The following MARCHF5 variants were observed in gnomAD, a reference collection of about 807,000 sequenced individuals.
MARCHF5 encodes the protein E3 ubiquitin-protein ligase MARCHF5.
MARCHF5 carries 5 observed loss-of-function variants against 36.5 expected under a neutral mutation model. The observed-to-expected ratio is 0.14, with a 90% CI of 0.07 to 0.29. MARCHF5 has a LOEUF of 0.29. Among genes scored for constraint, MARCHF5 ranks in the 10% least tolerant of loss-of-function variants. MARCHF5 has a pLI of 1.00. For synonymous variants in MARCHF5, 103 were observed against 109.9 expected, an observed-to-expected ratio of 0.94 and a Z score of 0.39; for missense variants, 179 against 336.3, an observed-to-expected ratio of 0.53 and a Z score of 3.66.
chr10:92,311,676 A>G (rs1843146573), intron 2 of MARCHF5, among the ~76,000 whole-genome samples: 1 of 152,208 alleles, frequency 6.6e-6, no homozygotes, highest in Admixed American at 6.5e-5. Flanking sequence ...TTATCTGGAG[A>G]CGGTGTAAGA....
chr10:92,308,820 T>G (rs2135184438), intron 1 of MARCHF5, among the ~76,000 whole-genome samples: 1 of 151,940 alleles, frequency 6.6e-6, no homozygotes, highest in South Asian at 2.1e-4. Flanking sequence ...TTCTCCTGTC[T>G]CAGCCTCCTG....
chr10:92,336,603 T>A (rs1843504731), intron 2 of MARCHF5, among the ~76,000 whole-genome samples: 1 of 151,996 alleles, frequency 6.6e-6, no homozygotes, highest in South Asian at 2.1e-4. Flanking sequence ...GGGAGTGTGA[T>A]GAAGTAGGGG....
In MARCHF5 at chr10:92,311,299, AG is replaced by A; in HGVS notation, c.201del (p.Gln67HisfsTer7). On this transcript the variant is annotated frameshift_variant, in exon 2 of 6. Coordinates refer to ENST00000358935, the MANE Select transcript of MARCHF5 (RefSeq NM_017824.5). LOFTEE classifies it high-confidence loss of function. ...AGTACAGCCAGAGTGGCATGTCCTC[AG>A]TGCAATGCTGAATACCTAATAGTTT... Reference protein sequence around the residue: ...GNSTARVACPQCNAEYLIVFP... With the variant: ...GNSTARVACPXCNAEYLIVFP... 6.2e-7 allele frequency: 1 copy of A among 1,608,262 alleles called. No individual in the cohort carries two copies. Among genetic ancestry groups the A allele is most frequent in the Non-Finnish European group, 8.5e-7 (1 of 1,176,736 alleles).
intron 5 of MARCHF5, 133 bp from the exon 6 acceptor site, chr10:92,350,958 C>T: frequency 1.6e-6 from 1 of 611,914 alleles, no homozygotes; most frequent in South Asian, 2.1e-5. Context: ...AAAAAGAAAA[C>T]TGTTTCATTT....
At chr10:92,295,592 T>C (rs529917484) in intron 1 of MARCHF5, among the ~76,000 whole-genome samples, 5 of 151,446 alleles carry the variant, frequency 3.3e-5, no homozygotes, top group African/African-American at 1.2e-4. Flanking sequence ...GTATTTTTAG[T>C]AGAGACGGGG....
intron 2 of MARCHF5, among the ~76,000 whole-genome samples, chr10:92,319,629 T>G (rs1435752137): frequency 2.1e-5 from 3 of 145,256 alleles, no homozygotes; most frequent in Non-Finnish European, 4.5e-5. Context: ...TTAAAAAATT[T>G]TGTGTGTTTG....
rs1236818175 is a variant in MARCHF5, at chr10:92,351,676, TG to T, written c.*470del. The T allele has an allele frequency of 6.6e-6, 1 of 152,656 alleles. No homozygotes were observed. Among genetic ancestry groups the T allele is most frequent in the Non-Finnish European group, 1.5e-5 (1 of 68,070 alleles). The allele number at this position is 152,656 out of a possible 1,614,324, so 9.5% of individuals were successfully genotyped here. On this transcript the variant is annotated 3_prime_UTR_variant, in exon 6 of 6. Transcript: ENST00000358935. ...AAGAGGATATGTTAATATGAGGAAA[TG>T]TAAATTAAATTAGTTATAAATAAAT...
At chr10:92,339,044 C>CAA (rs530962202) in intron 2 of MARCHF5, among the ~76,000 whole-genome samples, 21 of 146,866 alleles carry the variant, frequency 1.4e-4, no homozygotes, top group African/African-American at 5.2e-4. Context: ...AACTCTGTCT[C>CAA]AAAAAAAAAA....
rs1002198159 is a variant in MARCHF5 at position 92,353,254 on chromosome 10, T to A, written c.*2047T>A. ...TATTATTAGCTCGAGAAATACCACA[T>A]GCCAGTCTTCCCAGGAAGGTGACCT... On this transcript the variant is annotated 3_prime_UTR_variant, in exon 6 of 6. Transcript: ENST00000358935. 1.3e-5 allele frequency: 2 copies of A among 152,104 alleles called. No individual in the cohort carries two copies. Among genetic ancestry groups the A allele is most frequent in the African/African-American group, 2.4e-5 (1 of 41,412 alleles). The allele number at this position is 152,104 out of a possible 1,614,324, so 9.4% of individuals were successfully genotyped here. A position where few individuals can be genotyped will look rare whatever the true frequency, so the allele number is the denominator to read the frequency against.
chr10:92,341,109 C>T (rs1253070955), intron 3 of MARCHF5, among the ~76,000 whole-genome samples: 6 of 152,100 alleles, frequency 3.9e-5, no homozygotes, highest in African/African-American at 1.4e-4. Flanking sequence ...TTTAGTTAGT[C>T]CAATGTTTTG....
At chr10:92,341,766 C>T (rs1189237376) in intron 3 of MARCHF5, among the ~76,000 whole-genome samples, 1 of 134,996 alleles carries the variant, frequency 7.4e-6, no homozygotes, top group African/African-American at 2.7e-5. Context: ...ATTTTCCCAT[C>T]TATAGTTTAC....
chr10:92,349,963 C>A (rs113260572), intron 5 of MARCHF5, 126 bp downstream of exon 5: 2 of 712,900 alleles, frequency 2.8e-6, no homozygotes, highest in Non-Finnish European at 4.6e-6. Context: ...TCTATTTGAG[C>A]CTCACTATCA....
intron 1 of MARCHF5, among the ~76,000 whole-genome samples, chr10:92,291,819 T>TAA: frequency 6.6e-6 from 1 of 152,154 alleles, no homozygotes; most frequent in Admixed American, 6.5e-5. Context: ...TTAGTTTTCC[T>TAA]TACCCTCTTC....
At chr10:92,346,866 G>A (rs1429826516) in intron 3 of MARCHF5, among the ~76,000 whole-genome samples, 3 of 151,832 alleles carry the variant, frequency 2.0e-5, no homozygotes, top group Non-Finnish European at 2.9e-5. Flanking sequence ...CCTCTTGTTC[G>A]CTCTAGTCTA....
intron 2 of MARCHF5, among the ~76,000 whole-genome samples, chr10:92,325,473 G>A (rs1293573902): frequency 7.2e-5 from 11 of 152,100 alleles, no homozygotes; most frequent in Non-Finnish European, 1.6e-4. Flanking sequence ...ATAATTGTTA[G>A]GTCAAGTGCA....
At position 92,291,454 on chromosome 10, in the gene MARCHF5, G is replaced by C. The variant is rs1009028240; in HGVS notation, c.-41G>C. On this transcript the variant is annotated 5_prime_UTR_variant, in exon 1 of 6. Coordinates refer to ENST00000358935, the MANE Select transcript of MARCHF5 (RefSeq NM_017824.5). ...ATTGTCCCTGGGCCTGGCCTTGAGC[G>C]GGTCCACTGGGGAAGGCCGTGTGCG... The C allele has an allele frequency of 2.0e-6, 3 of 1,502,844 alleles. No individual in the cohort carries two copies. Among genetic ancestry groups the C allele is most frequent in the Admixed American group, 2.0e-5 (1 of 50,922 alleles). The allele number at this position is 1,502,844 out of a possible 1,614,324, so 93.1% of individuals were successfully genotyped here. A position where few individuals can be genotyped will look rare whatever the true frequency, so the allele number is the denominator to read the frequency against.
chr10:92,293,493 G>C (rs901789840), intron 1 of MARCHF5, among the ~76,000 whole-genome samples: 6 of 151,880 alleles, frequency 4.0e-5, no homozygotes, highest in Non-Finnish European at 7.4e-5. Flanking sequence ...GAGTGAGCCT[G>C]GGCACGGTGG....
chr10:92,327,299 T>C (rs1161156499), intron 2 of MARCHF5, among the ~76,000 whole-genome samples: 3 of 148,864 alleles, frequency 2.0e-5, no homozygotes, highest in African/African-American at 7.6e-5. Context: ...TGTATTCATA[T>C]ATGAAGAGCT....
intron 3 of MARCHF5, among the ~76,000 whole-genome samples, chr10:92,341,680 T>C (rs114443534): frequency 0.014 from 2,082 of 152,238 alleles, 38 homozygotes; most frequent in African/African-American, 0.048. Context: ...CTCAAAATTA[T>C]TGAAATCAAA....
Sources: allele counts gnomAD v4.1 joint callset (sites outside exome capture counted in the v4.1 genomes callset), GRCh38; gene constraint gnomAD v4.1.1; transcripts MANE v1.5; gene names NCBI Gene and HGNC (gene_info 2026-07-23, HGNC 2026-07-21).